Variants in MCU observed in about 807,000 individuals in gnomAD.
The protein encoded by MCU is calcium uniporter protein, mitochondrial.
A neutral mutation model predicts 45.2 loss-of-function variants in MCU; 12 were observed. The observed-to-expected ratio is 0.27, with a 90% CI of 0.17 to 0.43. The LOEUF (loss-of-function observed/expected upper bound fraction) is 0.43, where lower values mean the gene tolerates loss of function less well. Ranked by LOEUF, MCU falls within the 20% of genes least tolerant of loss-of-function variation. The pLI, the probability that MCU is intolerant of heterozygous loss-of-function variation, is 1.00. For missense variants in MCU, 324 were observed against 436.7 expected, an observed-to-expected ratio of 0.74 and a Z score of 2.30; for synonymous variants, 160 against 165.1, an observed-to-expected ratio of 0.97 and a Z score of 0.24.
At chr10:72,723,531 A>G (rs1358825848) in intron 1 of MCU, among the ~76,000 whole-genome samples, 1 of 152,208 alleles carries the variant, frequency 6.6e-6, no homozygotes, top group Non-Finnish European at 1.5e-5. Flanking sequence ...TTGCTTTGAT[A>G]AAAGAATAGG....
At chr10:72,871,246 A>T (rs2132885655) in intron 5 of MCU, 131 bp from the exon 6 acceptor site, 1 of 801,766 alleles carries the variant, frequency 1.2e-6, no homozygotes, top group Non-Finnish European at 2.1e-6. Flanking sequence ...TTAGGAAGAC[A>T]AGCTATATTT....
chr10:72,835,443 G>C (rs771706757), intron 2 of MCU, among the ~76,000 whole-genome samples: 1 of 152,100 alleles, frequency 6.6e-6, no homozygotes, highest in Admixed American at 6.5e-5. Context: ...ACATTAATTC[G>C]TAAGCATAAC....
At chr10:72,810,634 G>GGTTGTTGTTGTTGTTGTTGTTGTTGTT (rs71021536) in intron 1 of MCU, among the ~76,000 whole-genome samples, 5 of 146,880 alleles carry the variant, frequency 3.4e-5, no homozygotes, top group Non-Finnish European at 7.5e-5. Flanking sequence ...CGCCCAGCTA[G>GGTTGTTGTTGTTGTTGTTGTTGTTGTT]GTTGTTGTTG....
At chr10:72,846,326 AGCCAC>A (rs1408016749) in intron 2 of MCU, among the ~76,000 whole-genome samples, 1 of 152,232 alleles carries the variant, frequency 6.6e-6, no homozygotes, top group Admixed American at 6.5e-5. Context: ...CACAGGTGTG[AGCCAC>A]TGCACGCGGC....
chr10:72,714,640 G>A (rs1842936450), intron 1 of MCU, among the ~76,000 whole-genome samples: 1 of 151,972 alleles, frequency 6.6e-6, no homozygotes, highest in African/African-American at 2.4e-5. Context: ...TGCCTCCCGG[G>A]TTAAAGCAAT....
chr10:72,832,016 A>G (rs1213145545), intron 1 of MCU, among the ~76,000 whole-genome samples: 1 of 152,174 alleles, frequency 6.6e-6, no homozygotes, highest in South Asian at 2.1e-4. Context: ...GCCTTTCTTA[A>G]GGAATATATA....
chr10:72,883,097 T>A (rs1172541453), intron 6 of MCU, among the ~76,000 whole-genome samples: 1 of 152,208 alleles, frequency 6.6e-6, no homozygotes, highest in Non-Finnish European at 1.5e-5. Context: ...TTGAAAATGT[T>A]ATGCTAAGTG....
At chr10:72,759,130 T>TA (rs1415187883) in intron 1 of MCU, among the ~76,000 whole-genome samples, 2 of 152,122 alleles carry the variant, frequency 1.3e-5, no homozygotes, top group Admixed American at 1.3e-4. Flanking sequence ...AACACCAACT[T>TA]AAAGAGGGAA....
chr10:72,854,172 A>C (rs1845252131), intron 2 of MCU, among the ~76,000 whole-genome samples: 1 of 152,102 alleles, frequency 6.6e-6, no homozygotes, highest in Non-Finnish European at 1.5e-5. Context: ...ACATGCCTGT[A>C]GTCCCAGCTA....
chr10:72,818,906 A>G (rs1238353008), intron 1 of MCU, among the ~76,000 whole-genome samples: 1 of 152,144 alleles, frequency 6.6e-6, no homozygotes, highest in Non-Finnish European at 1.5e-5. Flanking sequence ...AATGATATTA[A>G]ACATATTGGC....
intron 2 of MCU, among the ~76,000 whole-genome samples, chr10:72,856,936 CAAAAAAAA>C (rs71021541): frequency 5.0e-5 from 4 of 79,686 alleles, no homozygotes; most frequent in African/African-American, 1.4e-4. Flanking sequence ...CAAGATGTCT[CAAAAAAAA>C]AAAAAAAAAA....
intron 1 of MCU, among the ~76,000 whole-genome samples, chr10:72,776,149 C>A (rs1222723699): frequency 2.0e-5 from 3 of 149,926 alleles, no homozygotes; most frequent in African/African-American, 7.4e-5. Context: ...ACCTGGGCAA[C>A]ATGAGTGAGA....
At chr10:72,799,957 A>G (rs563770972) in intron 1 of MCU, among the ~76,000 whole-genome samples, 33 of 152,214 alleles carry the variant, frequency 2.2e-4, no homozygotes, top group Non-Finnish European at 4.6e-4. Context: ...CAGTCTTGAC[A>G]AATACAAGTT....
At chr10:72,815,475 T>G (rs1844611874) in intron 1 of MCU, among the ~76,000 whole-genome samples, 2 of 152,192 alleles carry the variant, frequency 1.3e-5, no homozygotes, top group African/African-American at 4.8e-5. Flanking sequence ...AATATGGAAC[T>G]TAAATGGATA....
chr10:72,844,184 C>T (rs1387800125), intron 2 of MCU, among the ~76,000 whole-genome samples: 5 of 151,982 alleles, frequency 3.3e-5, no homozygotes, highest in Non-Finnish European at 1.5e-5. Flanking sequence ...GTCAGGAGTT[C>T]GAGACCAGCC....
intron 1 of MCU, among the ~76,000 whole-genome samples, chr10:72,734,954 C>G (rs896787805): frequency 6.6e-6 from 1 of 151,690 alleles, no homozygotes; most frequent in African/African-American, 2.4e-5. Flanking sequence ...TGGTGCATAC[C>G]CGTAGTCCCA....
intron 1 of MCU, among the ~76,000 whole-genome samples, chr10:72,748,040 T>C (rs1293589191): frequency 1.3e-5 from 2 of 151,912 alleles, no homozygotes; most frequent in Non-Finnish European, 2.9e-5. Context: ...TCAAGAGTCT[T>C]ACGACAACCA....
intron 1 of MCU, among the ~76,000 whole-genome samples, chr10:72,728,380 G>A (rs1843127199): frequency 6.6e-6 from 1 of 152,208 alleles, no homozygotes; most frequent in Non-Finnish European, 1.5e-5. Flanking sequence ...TAGTTAACTA[G>A]TTGATTATTA....
chr10:72,753,820 A>G (rs939099998), intron 1 of MCU, among the ~76,000 whole-genome samples: 12 of 152,108 alleles, frequency 7.9e-5, no homozygotes, highest in Admixed American at 1.3e-4. Context: ...TTGAGATTGC[A>G]GTGATCTGTG....
Sources: gnomAD v4.1 joint callset for allele counts (sites outside exome capture counted in the v4.1 genomes callset) on GRCh38, gnomAD v4.1.1 for gene constraint, MANE v1.5 for transcripts, NCBI Gene and HGNC (gene_info 2026-07-23, HGNC 2026-07-21) for gene names.